The following SEMA3A variants were observed in gnomAD, a reference collection of about 807,000 sequenced individuals.
The protein encoded by SEMA3A is semaphorin-3A.
In SEMA3A, 29 loss-of-function variants were observed where a neutral mutation model predicts 97.9. The ratio of observed to expected loss-of-function variants is 0.30; its 90% CI spans 0.22 to 0.40. The LOEUF is 0.40. Among genes scored for constraint, SEMA3A ranks in the 10% least tolerant of loss-of-function variants. The pLI, the probability that SEMA3A is intolerant of heterozygous loss-of-function variation, is 1.00. For synonymous variants in SEMA3A, 321 were observed against 323.7 expected (o/e 0.99, Z 0.09); for missense variants, 763 against 951.3 (o/e 0.80, Z 2.60).
chr7:84,349,755 A>G (rs1403793673), intron 2 of SEMA3A, among the ~76,000 whole-genome samples: 1 of 152,216 alleles, frequency 6.6e-6, no homozygotes, highest in African/African-American at 2.4e-5. Context: ...ATCTTAACTG[A>G]TAAGAGTGTT....
At chr7:83,998,098 T>C (rs1790291652) in intron 12 of SEMA3A, among the ~76,000 whole-genome samples, 1 of 143,784 alleles carries the variant, frequency 7.0e-6, no homozygotes, top group South Asian at 2.4e-4. Context: ...TGTATTTCTC[T>C]GGAAACTGCA....
intron 3 of SEMA3A, among the ~76,000 whole-genome samples, chr7:84,215,720 G>A (rs77116508): frequency 0.036 from 5,482 of 152,128 alleles, 131 homozygotes; most frequent in Middle Eastern, 0.12. Context: ...ATTGTGCCTG[G>A]GACATAGTAG....
At chr7:84,049,969 G>C (rs995161209) in intron 5 of SEMA3A, among the ~76,000 whole-genome samples, 3 of 148,648 alleles carry the variant, frequency 2.0e-5, no homozygotes, top group African/African-American at 5.0e-5. Flanking sequence ...GCGGTGTTTG[G>C]TTTTTTGTTC....
chr7:83,993,144 G>C (rs1790037047), intron 12 of SEMA3A, among the ~76,000 whole-genome samples: 1 of 140,806 alleles, frequency 7.1e-6, no homozygotes, highest in South Asian at 2.4e-4. Flanking sequence ...TGCAACCCCT[G>C]CCTTTTTTTG....
At chr7:84,005,688 C>T (rs985875945) in intron 10 of SEMA3A, 130 bp from the exon 11 acceptor site, 24 of 632,496 alleles carry the variant, frequency 3.8e-5, no homozygotes, top group African/African-American at 3.7e-4. Context: ...TAGCTCACAC[C>T]TCTAATCCTA....
chr7:84,446,207 T>A (rs1166392184), intron 1 of SEMA3A, among the ~76,000 whole-genome samples: 3 of 152,186 alleles, frequency 2.0e-5, no homozygotes, highest in Admixed American at 6.5e-5. Context: ...AAATCAGTAT[T>A]CAAACATCTC....
At chr7:84,007,249 T>A (rs1790702913) in intron 10 of SEMA3A, 104 bp downstream of exon 10, 3 of 887,114 alleles carry the variant, frequency 3.4e-6, no homozygotes, top group Non-Finnish European at 4.7e-6. Context: ...GAAATCTTTT[T>A]TCTACATTAC....
chr7:84,020,035 CTTTTTTTTTTTTT>C (rs781108685), intron 6 of SEMA3A, among the ~76,000 whole-genome samples: 12 of 58,260 alleles, frequency 2.1e-4, no homozygotes, highest in African/African-American at 3.4e-4. Flanking sequence ...TTTTTTCTTT[CTTTTTTTTTTTTT>C]TTTTTTTTTT....
chr7:84,255,574 TAC>T (rs1799699762), intron 3 of SEMA3A, among the ~76,000 whole-genome samples: 4 of 152,172 alleles, frequency 2.6e-5, no homozygotes, highest in Non-Finnish European at 4.4e-5. Flanking sequence ...TTCTGGAGTC[TAC>T]ATTCTCCCTT....
At chr7:84,197,635 G>A (rs1798261420), upstream of SEMA3A, among the ~76,000 whole-genome samples, 1 of 151,392 alleles carries the variant, frequency 6.6e-6, no homozygotes, top group Non-Finnish European at 1.5e-5. Flanking sequence ...GTAGAAGCAA[G>A]GTATGGGTGG....
intron 1 of SEMA3A, among the ~76,000 whole-genome samples, chr7:84,429,045 G>A (rs1395652366): frequency 3.3e-5 from 5 of 151,922 alleles, no homozygotes; most frequent in Admixed American, 3.3e-4. Context: ...CTTATTGGGA[G>A]GTTCATGTTC....
At chr7:84,024,916 C>T (rs964745186) in intron 6 of SEMA3A, among the ~76,000 whole-genome samples, 26 of 152,076 alleles carry the variant, frequency 1.7e-4, no homozygotes, top group East Asian at 3.9e-4. Context: ...GGTGAAACCC[C>T]GTCTCTACTA....
At chr7:84,362,767 A>C (rs184123923) in intron 2 of SEMA3A, among the ~76,000 whole-genome samples, 208 of 152,112 alleles carry the variant, frequency 1.4e-3, no homozygotes, top group African/African-American at 4.5e-3. Context: ...TGTATGTAAG[A>C]GTATGGGAAG....
chr7:84,468,131 C>T (rs907862936), intron 1 of SEMA3A, among the ~76,000 whole-genome samples: 2 of 152,094 alleles, frequency 1.3e-5, no homozygotes, highest in African/African-American at 4.8e-5. Flanking sequence ...AAATTTAAAA[C>T]GAGGGAGGAA....
intron 5 of SEMA3A, among the ~76,000 whole-genome samples, chr7:84,053,094 C>G (rs1792761032): frequency 6.9e-6 from 1 of 144,114 alleles, no homozygotes; most frequent in Non-Finnish European, 1.5e-5. Flanking sequence ...GTTATAATTT[C>G]TGTTCTTTTA....
chr7:84,306,772 C>A (rs1362583101), intron 3 of SEMA3A, among the ~76,000 whole-genome samples: 1 of 152,090 alleles, frequency 6.6e-6, no homozygotes, highest in Admixed American at 6.6e-5. Flanking sequence ...GTGTGGCACT[C>A]AGCCTTTGAG....
At chr7:84,117,150 AATATGCACAT>A (rs2030823206) in intron 3 of SEMA3A, among the ~76,000 whole-genome samples, 1 of 152,126 alleles carries the variant, frequency 6.6e-6, no homozygotes, top group Non-Finnish European at 1.5e-5. Flanking sequence ...AATCTTCCCA[AATATGCACAT>A]ATATGTGGAT....
chr7:84,313,282 G>A (rs1438301749), intron 2 of SEMA3A, among the ~76,000 whole-genome samples: 1 of 141,128 alleles, frequency 7.1e-6, no homozygotes, highest in Non-Finnish European at 1.5e-5. Context: ...TCTCATGAGA[G>A]GCTGGGAAGA....
chr7:84,288,369 T>A (rs1800645938), intron 3 of SEMA3A, among the ~76,000 whole-genome samples: 2 of 152,224 alleles, frequency 1.3e-5, no homozygotes, highest in Admixed American at 6.5e-5. Flanking sequence ...TACATCATTT[T>A]AAAATAGTCA....
Sources: allele counts gnomAD v4.1 joint callset (sites outside exome capture counted in the v4.1 genomes callset), GRCh38; gene constraint gnomAD v4.1.1; transcripts MANE v1.5; gene names NCBI Gene and HGNC (gene_info 2026-07-23, HGNC 2026-07-21).